The following SPOCK1 variants were observed in gnomAD, a reference collection of about 807,000 sequenced individuals.
The protein encoded by SPOCK1 is SPARC (osteonectin), cwcv and kazal like domains proteoglycan 1.
Under a neutral mutation model 55.3 loss-of-function variants are expected in SPOCK1, and 23 were observed. The observed-to-expected ratio is 0.42, with a 90% CI of 0.30 to 0.59. The LOEUF (loss-of-function observed/expected upper bound fraction) is 0.59. SPOCK1 is among the 20% of genes least tolerant of loss of function. The probability of loss-of-function intolerance (pLI) is 0.22; values close to 1 mark genes in which losing one functional copy is unlikely to be tolerated. For synonymous variants in SPOCK1, 226 were observed against 221.0 expected, an observed-to-expected ratio of 1.02 and a Z score of -0.20; for missense variants, 499 against 552.5, an observed-to-expected ratio of 0.90 and a Z score of 0.97.
At chr5:137,373,160 T>C (rs543509688) in intron 2 of SPOCK1, among the ~76,000 whole-genome samples, 1 of 152,300 alleles carries the variant, frequency 6.6e-6, no homozygotes, top group South Asian at 2.1e-4. Flanking sequence ...TTCTATTCAT[T>C]GTAAATTACC....
intron 2 of SPOCK1, among the ~76,000 whole-genome samples, chr5:137,421,077 G>A (rs967947817): frequency 1.3e-5 from 2 of 152,210 alleles, no homozygotes; most frequent in East Asian, 3.8e-4. Flanking sequence ...TCAGGAGCAG[G>A]TTGTTCAGTT....
rs79449221 is a variant in SPOCK1 at position 137,336,679 on chromosome 5, CCTCCTGATTACTG to C, written c.187-69637_187-69625del. On this transcript the variant is annotated intron_variant, in intron 2 of 10. Coordinates refer to ENST00000394945, the MANE Select transcript of SPOCK1 (RefSeq NM_004598.4). ...CAGGCTGCACAAACTACCCTCTCTG[CCTCCTGATTACTG>C]CTCCTTCTAGCCTGAATGAGTTTTT... 5.9e-3 allele frequency among the ~76,000 whole-genome samples: 893 copies of C among 152,268 alleles called. 3 individuals carry two copies. The highest frequency in any genetic ancestry group is 8.0e-3 in the Non-Finnish European group (544 of 68,024).
chr5:137,498,490 G>T lies in SPOCK1; in HGVS notation c.69C>A (p.His23Gln), dbSNP rs752329481. The change falls in exon 2 of 11, where the codon CAC (histidine) becomes CAA (glutamine). Residue 23 changes from histidine (H) to glutamine (Q), a missense_variant. His to Gln is a conservative substitution (Grantham distance 24). Transcript: ENST00000394945. ...AWCFLQVESR[H>Q]LDALAGGAGP... ...CCGCGCCTCCGGCGAGCGCGTCCAG[G>T]TGCCGGCTCTCGACTTGGAGGAAGC... 2.8e-5 allele frequency: 45 copies of T among 1,593,730 alleles called. No homozygotes were observed. The highest frequency in any genetic ancestry group is 5.4e-5 in the African/African-American group (4 of 74,504).
intron 6 of SPOCK1, among the ~76,000 whole-genome samples, chr5:137,000,952 G>A (rs887501115): frequency 1.3e-5 from 2 of 152,126 alleles, no homozygotes; most frequent in Non-Finnish European, 2.9e-5. Flanking sequence ...CCAGTGAGCC[G>A]AGATCACGCC....
chr5:137,259,700 A>AG (rs1309794097), intron 3 of SPOCK1, among the ~76,000 whole-genome samples: 3 of 151,668 alleles, frequency 2.0e-5, no homozygotes, highest in Non-Finnish European at 4.4e-5. Context: ...AAAAAAAAAA[A>AG]AAAAGAAAAC....
chr5:137,057,028 C>T (rs2127000749), intron 6 of SPOCK1, among the ~76,000 whole-genome samples: 1 of 152,252 alleles, frequency 6.6e-6, no homozygotes, highest in South Asian at 2.1e-4. Flanking sequence ...TATGCAGACC[C>T]TATGGTCTCC....
chr5:136,994,133 G>C (rs1218343726), intron 6 of SPOCK1, among the ~76,000 whole-genome samples: 6 of 152,110 alleles, frequency 3.9e-5, no homozygotes, highest in Non-Finnish European at 8.8e-5. Context: ...CATTTACGAC[G>C]CTGCCTTCTG....
chr5:137,007,726 T>C (rs952612279), intron 6 of SPOCK1, among the ~76,000 whole-genome samples: 8 of 152,150 alleles, frequency 5.3e-5, no homozygotes. Context: ...TAGAAGACAA[T>C]GTGGCGATTC....
At chr5:137,279,390 A>G (rs1385720463) in intron 2 of SPOCK1, among the ~76,000 whole-genome samples, 3 of 152,254 alleles carry the variant, frequency 2.0e-5, no homozygotes, top group Non-Finnish European at 4.4e-5. Flanking sequence ...AAATTATTCC[A>G]TAGAACCAGG....
intron 2 of SPOCK1, among the ~76,000 whole-genome samples, chr5:137,477,959 C>T (rs966680127): frequency 3.3e-5 from 5 of 152,178 alleles, no homozygotes; most frequent in Non-Finnish European, 7.3e-5. Flanking sequence ...AGCAACACAG[C>T]ATGCTGGAGA....
chr5:137,294,888 C>A (rs1049758363), intron 2 of SPOCK1, among the ~76,000 whole-genome samples: 12 of 152,206 alleles, frequency 7.9e-5, no homozygotes, highest in Admixed American at 5.2e-4. Context: ...GAGATCTCTG[C>A]CCAGCTGCCC....
chr5:137,029,591 C>T (rs1038192549), intron 6 of SPOCK1, among the ~76,000 whole-genome samples: 3 of 152,192 alleles, frequency 2.0e-5, no homozygotes, highest in African/African-American at 4.8e-5. Flanking sequence ...AGTCCTCACA[C>T]GTGCAACTCC....
chr5:137,227,882 T>C (rs756761927), intron 3 of SPOCK1, among the ~76,000 whole-genome samples: 1 of 152,196 alleles, frequency 6.6e-6, no homozygotes, highest in South Asian at 2.1e-4. Context: ...TGGGGCCTCA[T>C]GTGAGGCAGA....
chr5:137,465,472 G>C (rs940272649), intron 2 of SPOCK1, among the ~76,000 whole-genome samples: 2 of 151,684 alleles, frequency 1.3e-5, no homozygotes, highest in Admixed American at 6.6e-5. Flanking sequence ...TTGTAAACTC[G>C]TCTTTTACTG....
At chr5:137,033,833 G>T (rs1219479721) in intron 6 of SPOCK1, among the ~76,000 whole-genome samples, 1 of 152,040 alleles carries the variant, frequency 6.6e-6, no homozygotes, top group Admixed American at 6.5e-5. Context: ...TGAACTCCTG[G>T]CTTCAAGTGA....
intron 6 of SPOCK1, among the ~76,000 whole-genome samples, chr5:137,023,113 C>T (rs994204582): frequency 2.0e-5 from 3 of 152,124 alleles, no homozygotes; most frequent in African/African-American, 4.8e-5. Flanking sequence ...CCTGGGACAA[C>T]TTGTATGCTT....
intron 2 of SPOCK1, among the ~76,000 whole-genome samples, chr5:137,333,472 T>G (rs1758226132): frequency 6.6e-6 from 1 of 152,138 alleles, no homozygotes; most frequent in Admixed American, 6.5e-5. Context: ...TGGCCACCAC[T>G]AGGGACCAAT....
chr5:137,422,599 C>T (rs897016911), intron 2 of SPOCK1, among the ~76,000 whole-genome samples: 11 of 151,758 alleles, frequency 7.2e-5, no homozygotes, highest in South Asian at 4.2e-4. Context: ...CTTGTGCATT[C>T]GTCACGTAGT....
At chr5:137,342,751 A>C (rs886087062) in intron 2 of SPOCK1, among the ~76,000 whole-genome samples, 1 of 152,258 alleles carries the variant, frequency 6.6e-6, no homozygotes, top group Non-Finnish European at 1.5e-5. Context: ...TGGTTGAGGA[A>C]GGAGTCAGAG....
Sources: allele counts gnomAD v4.1 joint callset (sites outside exome capture counted in the v4.1 genomes callset), GRCh38; gene constraint gnomAD v4.1.1; transcripts MANE v1.5; gene names NCBI Gene and HGNC (gene_info 2026-07-23, HGNC 2026-07-21).